Variants in ADAMTS12 observed in about 807,000 individuals in gnomAD.
The protein encoded by ADAMTS12 is ADAM metallopeptidase with thrombospondin type 1 motif 12.
ADAMTS12 carries 118 observed loss-of-function variants against 167.8 expected under a neutral mutation model. The ratio of observed to expected loss-of-function variants is 0.70; its 90% CI spans 0.61 to 0.82. The LOEUF (loss-of-function observed/expected upper bound fraction) is 0.82, where lower values mean the gene tolerates loss of function less well. Among genes scored for constraint, ADAMTS12 ranks in the 40% least tolerant of loss-of-function variants. The pLI is 0.00. For synonymous variants in ADAMTS12, 704 were observed against 716.9 expected (o/e 0.98, Z 0.29); for missense variants, 1,916 against 1,998.8 (o/e 0.96, Z 0.79).
intron 5 of ADAMTS12, among the ~76,000 whole-genome samples, chr5:33,679,796 T>C (rs888357614): frequency 7.9e-5 from 12 of 152,222 alleles, no homozygotes; most frequent in East Asian, 3.8e-4. Flanking sequence ...GTGTGACATA[T>C]GCCTGATGTT....
intron 2 of ADAMTS12, among the ~76,000 whole-genome samples, chr5:33,818,687 T>C (rs1119301): frequency 0.085 from 12,921 of 152,158 alleles, 777 homozygotes; most frequent in South Asian, 0.24. Context: ...GCTGTACCAA[T>C]CTACATTTCC....
At chr5:33,824,381 T>G (rs754577977) in intron 2 of ADAMTS12, among the ~76,000 whole-genome samples, 6 of 152,188 alleles carry the variant, frequency 3.9e-5, no homozygotes, top group Admixed American at 3.9e-4. Flanking sequence ...TGAAGGTAGG[T>G]TCCCTTCTAT....
intron 2 of ADAMTS12, among the ~76,000 whole-genome samples, chr5:33,845,004 G>A (rs1748892109): frequency 6.6e-6 from 1 of 152,150 alleles, no homozygotes; most frequent in Non-Finnish European, 1.5e-5. Context: ...TCGGCCACAG[G>A]TAAACTGAAA....
chr5:33,843,312 T>C (rs1229975822), intron 2 of ADAMTS12, among the ~76,000 whole-genome samples: 1 of 152,158 alleles, frequency 6.6e-6, no homozygotes, highest in Admixed American at 6.6e-5. Flanking sequence ...GCTAGGTTCC[T>C]GAGCCTGAGC....
chr5:33,574,367 A>C (rs951989527), intron 19 of ADAMTS12, among the ~76,000 whole-genome samples: 2 of 152,064 alleles, frequency 1.3e-5, no homozygotes, highest in African/African-American at 4.8e-5. Context: ...ACAATGATAG[A>C]TCGGATTAAG....
chr5:33,533,477 G>C (rs1389337629), intron 23 of ADAMTS12, among the ~76,000 whole-genome samples: 2 of 152,216 alleles, frequency 1.3e-5, no homozygotes, highest in Admixed American at 6.5e-5. Flanking sequence ...TAGGTCTAGA[G>C]TGAGGCCTGA....
chr5:33,880,080 T>C (rs1355059141), intron 2 of ADAMTS12, among the ~76,000 whole-genome samples: 2 of 152,208 alleles, frequency 1.3e-5, no homozygotes, highest in Admixed American at 1.3e-4. Context: ...TCCTGAGCAT[T>C]GTTTGCCCTG....
At position 33,525,106 on chromosome 5, in the gene ADAMTS12, C is replaced by T. The variant is rs904978140; in HGVS notation, c.*2082G>A. 2.6e-5 allele frequency: 4 copies of T among 152,138 alleles called. No homozygotes were observed. The highest frequency in any genetic ancestry group is 5.9e-5 in the Non-Finnish European group (4 of 68,026). 9.4% of individuals were successfully genotyped at this position (152,138 alleles called of 1,614,324 possible). On this transcript the variant is annotated 3_prime_UTR_variant, in exon 24 of 24. Transcript: ENST00000504830. ...AATCAATCTAGCTTACTAAATGAAT[C>T]CCCCTGAAAGACTACACTACACTTC...
intron 12 of ADAMTS12, among the ~76,000 whole-genome samples, chr5:33,633,461 CAAT>C (rs775735818): frequency 6.6e-6 from 1 of 151,430 alleles, no homozygotes; most frequent in Non-Finnish European, 1.5e-5. Flanking sequence ...ATAATAACAA[CAAT>C]GACAGCATAC....
chr5:33,858,733 A>G (rs921719280), intron 2 of ADAMTS12, among the ~76,000 whole-genome samples: 5 of 152,082 alleles, frequency 3.3e-5, no homozygotes, highest in Admixed American at 1.3e-4. Flanking sequence ...ATGGCCAAAT[A>G]GGAATGGCTC....
intron 18 of ADAMTS12, among the ~76,000 whole-genome samples, chr5:33,585,976 T>C (rs1747326138): frequency 6.6e-6 from 1 of 152,282 alleles, no homozygotes; most frequent in African/African-American, 2.4e-5. Context: ...TCTCACTTAG[T>C]TCAGCCCAGA....
intron 12 of ADAMTS12, among the ~76,000 whole-genome samples, chr5:33,632,187 G>A (rs1429496877): frequency 6.6e-6 from 1 of 152,184 alleles, no homozygotes; most frequent in South Asian, 2.1e-4. Flanking sequence ...TTAATTGAGA[G>A]CTAAACATTG....
chr5:33,565,367 G>C (rs1486694159), intron 19 of ADAMTS12, among the ~76,000 whole-genome samples: 1 of 152,150 alleles, frequency 6.6e-6, no homozygotes, highest in East Asian at 1.9e-4. Context: ...GGCCAGACTG[G>C]TCTCAAACTC....
chr5:33,646,293 G>T (rs973686321), intron 9 of ADAMTS12, among the ~76,000 whole-genome samples: 2 of 151,998 alleles, frequency 1.3e-5, no homozygotes, highest in African/African-American at 4.8e-5. Context: ...CCCCCTAAAG[G>T]CTAAAAATGT....
At chr5:33,592,261 A>AAAAACAAAAAACAAT (rs1305070614) in intron 17 of ADAMTS12, among the ~76,000 whole-genome samples, 1 of 151,594 alleles carries the variant, frequency 6.6e-6, no homozygotes, top group Non-Finnish European at 1.5e-5. Context: ...CAAAAAACAA[A>AAAAACAAAAAACAAT]AAAACAAAAA....
chr5:33,598,983 G>A (rs1395286181), intron 16 of ADAMTS12, among the ~76,000 whole-genome samples: 3 of 152,184 alleles, frequency 2.0e-5, no homozygotes, highest in South Asian at 2.1e-4. Context: ...GAAACTCAGC[G>A]CCCTTGGAAA....
At position 33,676,707 on chromosome 5, in the gene ADAMTS12, CAG is replaced by C. The variant is rs66523760; in HGVS notation, c.915+6309_915+6310del. 1.0e-3 allele frequency among the ~76,000 whole-genome samples: 155 copies of C among 148,966 alleles called. 1 individual carries two copies. Among genetic ancestry groups the C allele is most frequent in the Middle Eastern group, 0.01 (3 of 292 alleles). Reference sequence around the variant, plus strand: ...TTACACACACACACACACACACACACAGAGAGAGAGAGAGAGAGAGAGAATAA... The same window carrying C: ...TTACACACACACACACACACACACACAGAGAGAGAGAGAGAGAGAGAATAA... On this transcript the variant is annotated intron_variant, in intron 5 of 23. Transcript: ENST00000504830.
At chr5:33,728,156 C>T (rs1265584232) in intron 3 of ADAMTS12, among the ~76,000 whole-genome samples, 1 of 152,180 alleles carries the variant, frequency 6.6e-6, no homozygotes, top group Non-Finnish European at 1.5e-5. Flanking sequence ...CTGAGACCAT[C>T]CTCTTCCCCT....
chr5:33,679,183 C>T (rs1742023780), intron 5 of ADAMTS12, among the ~76,000 whole-genome samples: 1 of 152,216 alleles, frequency 6.6e-6, no homozygotes, highest in South Asian at 2.1e-4. Flanking sequence ...TTGTGTGGTC[C>T]AACATCAGTG....
Sources: gnomAD v4.1 joint callset for allele counts (sites outside exome capture counted in the v4.1 genomes callset) on GRCh38, gnomAD v4.1.1 for gene constraint, MANE v1.5 for transcripts, NCBI Gene and HGNC (gene_info 2026-07-23, HGNC 2026-07-21) for gene names.